ATP2B4: variants seen among roughly 807,000 people sequenced by gnomAD.
ATP2B4 encodes the protein plasma membrane calcium-transporting ATPase 4.
A neutral mutation model predicts 110.3 loss-of-function variants in ATP2B4; 39 were observed. The observed-to-expected ratio is 0.35, with a 90% CI of 0.27 to 0.46. The LOEUF (loss-of-function observed/expected upper bound fraction) is 0.46, where lower values mean the gene tolerates loss of function less well. Ranked by LOEUF, ATP2B4 falls within the 20% of genes least tolerant of loss-of-function variation. ATP2B4 has a pLI of 1.00. For synonymous variants in ATP2B4, 538 were observed against 571.7 expected (o/e 0.94, Z 0.84); for missense variants, 1,135 against 1,530.9 (o/e 0.74, Z 4.32).
rs1318561344 is a variant in ATP2B4 at position 203,707,909 on chromosome 1, G to T, written c.1362G>T (p.Glu454Asp). 1.2e-6 allele frequency: 2 copies of T among 1,614,146 alleles called. No homozygotes were observed. The highest frequency in any genetic ancestry group is 1.7e-5 in the Admixed American group (1 of 60,024). ...TAGTACGGCACTTGGATGCTTGTGAGACCATGGGCAACGCCACCGCCATCT... is the reference window on the plus strand; with the variant it reads ...TAGTACGGCACTTGGATGCTTGTGATACCATGGGCAACGCCACCGCCATCT... The part of the protein sequence containing the change: ...NNLVRHLDAC[E>D]TMGNATAICS... The change falls in exon 10 of 21, where the codon GAG (glutamate) becomes GAT (aspartate). Residue 454 changes from glutamate to aspartate, a missense_variant. Physicochemically the swap from Glu to Asp is conservative, Grantham distance 45. This residue lies in a region of ATP2B4 where 368 missense variants were observed against 455.9 expected (regional missense o/e 0.81). Coordinates refer to ENST00000357681, the MANE Select transcript of ATP2B4 (RefSeq NM_001684.5).
At position 203,653,238 on chromosome 1, in the gene ATP2B4, T is replaced by C. The variant is rs117841688; in HGVS notation, c.-465+26019T>C. On this transcript the variant is annotated intron_variant, in intron 1 of 20. Coordinates refer to ENST00000357681, the MANE Select transcript of ATP2B4 (RefSeq NM_001684.5). ...AATCCAAGGCAAGATCCTAAATCTC[T>C]TCAATGTTGTGAAGGTTGACAGAGG... Among the ~76,000 whole-genome samples, 105 of 152,314 alleles carry C rather than the reference T, an allele frequency of 6.9e-4. 3 individuals are homozygous for C. The East Asian group carries it at 0.017, about 24-fold the overall frequency.
At position 203,645,364 on chromosome 1, in the gene ATP2B4, T is replaced by G. The variant is rs187606616; in HGVS notation, c.-465+18145T>G. ...GACAGAGCATTCCTGTTTACCCAAC[T>G]CACAGACTCTCCCTACTTTCTGAGT... On this transcript the variant is annotated intron_variant, in intron 1 of 20. Coordinates refer to ENST00000357681, the MANE Select transcript of ATP2B4 (RefSeq NM_001684.5). 3.8e-4 allele frequency among the ~76,000 whole-genome samples: 58 copies of G among 152,304 alleles called. 1 individual carries two copies. The highest frequency in any genetic ancestry group is 3.4e-3 in the Middle Eastern group (1 of 294).
intron 1 of ATP2B4, among the ~76,000 whole-genome samples, chr1:203,653,163 G>A (rs1457398127): frequency 6.6e-6 from 1 of 152,226 alleles, no homozygotes; most frequent in Non-Finnish European, 1.5e-5. Context: ...AGTTCAAGTG[G>A]TCTGATTAGA....
rs558094211 is a variant in ATP2B4 at position 203,676,500 on chromosome 1, C to T, written c.-464-6242C>T. On this transcript the variant is annotated intron_variant, in intron 1 of 20. Coordinates refer to ENST00000357681, the MANE Select transcript of ATP2B4 (RefSeq NM_001684.5). ...GGATGTTTTAGGCTAGGCAGCCTAC[C>T]ATGGTCAGGTTCTTGCCAGCTTTCT... Among the ~76,000 whole-genome samples, 190 of 152,324 alleles carry T rather than the reference C, an allele frequency of 1.2e-3. 5 individuals carry two copies. In the South Asian group the frequency reaches 0.038, roughly 30 times the overall value.
chr1:203,688,494 G>T (rs184303545), intron 2 of ATP2B4, among the ~76,000 whole-genome samples: 34 of 151,836 alleles, frequency 2.2e-4, no homozygotes, highest in Non-Finnish European at 4.4e-4. Context: ...TAGAGACAGG[G>T]TCTCTCCATG....
intron 1 of ATP2B4, among the ~76,000 whole-genome samples, chr1:203,668,748 G>A (rs6685155): frequency 0.92 from 139,845 of 152,226 alleles, 64,993 homozygotes; most frequent in Non-Finnish European, 0.99. Context: ...TCCTTCCACT[G>A]TGTGAGCCAC....
At chr1:203,645,426 G>A (rs1022925840) in intron 1 of ATP2B4, among the ~76,000 whole-genome samples, 12 of 152,132 alleles carry the variant, frequency 7.9e-5, no homozygotes, top group African/African-American at 2.9e-4. Flanking sequence ...TTATAGCTTG[G>A]TCCATTATTC....
intron 19 of ATP2B4, 88 bp downstream of exon 19, chr1:203,724,076 C>T (rs1052692362): frequency 1.4e-5 from 15 of 1,058,652 alleles, no homozygotes; most frequent in Non-Finnish European, 2.0e-5. Flanking sequence ...ACGGTGGAGA[C>T]CCCCCAGCTC....
intron 1 of ATP2B4, chr1:203,657,547 T>A: frequency 2.4e-6 from 2 of 835,818 alleles, no homozygotes; most frequent in Non-Finnish European, 4.2e-6. Flanking sequence ...TTTTCATGCA[T>A]CTTGATAGTC....
intron 20 of ATP2B4, among the ~76,000 whole-genome samples, chr1:203,734,701 A>G (rs10047213): frequency 0.56 from 79,054 of 142,164 alleles, 22,234 homozygotes; most frequent in Admixed American, 0.68. Context: ...GTGAGACTCC[A>G]TCTCAAAAAA....
intron 1 of ATP2B4, among the ~76,000 whole-genome samples, chr1:203,675,659 T>C (rs4951358): frequency 0.75 from 113,590 of 151,930 alleles, 43,117 homozygotes; most frequent in Middle Eastern, 0.86. Flanking sequence ...CTACCTTTTT[T>C]GGTGGAATTG....
At chr1:203,653,646 C>G (rs1664064120) in intron 1 of ATP2B4, among the ~76,000 whole-genome samples, 1 of 152,024 alleles carries the variant, frequency 6.6e-6, no homozygotes, top group Admixed American at 6.6e-5. Flanking sequence ...TTTTCCACCC[C>G]TCAAGGTTCA....
intron 2 of ATP2B4, among the ~76,000 whole-genome samples, chr1:203,690,348 A>G (rs2102372395): frequency 6.6e-6 from 1 of 152,350 alleles, no homozygotes; most frequent in Non-Finnish European, 1.5e-5. Context: ...TCCCAAGTAA[A>G]TGTTCACCTA....
chr1:203,687,164 T>A lies in ATP2B4; in HGVS notation c.193+3766T>A, dbSNP rs182034314. On this transcript the variant is annotated intron_variant, in intron 2 of 20. Transcript: ENST00000357681. ...GGGGAGACGGTGTTGGAAAACAACC[T>A]TTCCATTAGTAATTTTTAGTCCCCA... 3.1e-3 allele frequency among the ~76,000 whole-genome samples: 472 copies of A among 151,886 alleles called. 10 individuals are homozygous for A. Among genetic ancestry groups the A allele is most frequent in the Non-Finnish European group, 3.7e-4 (25 of 67,972 alleles).
chr1:203,699,593 G>A lies in ATP2B4; in HGVS notation c.525G>A (p.Lys175=). 4.3e-6 allele frequency: 7 copies of A among 1,614,190 alleles called. No homozygotes were observed. Among genetic ancestry groups the A allele is most frequent in the South Asian group, 2.2e-5 (2 of 91,082 alleles). The part of the protein sequence containing the change: ...VTAFNDWSKE[K]QFRGLQCRIE... ...CCTTTAATGATTGGAGCAAAGAGAA[G>A]CAATTCCGGGGGCTGCAGTGCCGCA... The change falls in exon 4 of 21, where the codon AAG becomes AAA. Residue 175 remains lysine (K), a synonymous_variant. Coordinates refer to ENST00000357681, the MANE Select transcript of ATP2B4 (RefSeq NM_001684.5).
At chr1:203,688,702 G>A (rs1024509558) in intron 2 of ATP2B4, among the ~76,000 whole-genome samples, 1 of 152,122 alleles carries the variant, frequency 6.6e-6, no homozygotes, top group Non-Finnish European at 1.5e-5. Context: ...TTAGACTTAA[G>A]AAGGCTTGGA....
chr1:203,711,230 T>C, intron 12 of ATP2B4, 122 bp downstream of exon 12: 1 of 879,854 alleles, frequency 1.1e-6, no homozygotes, highest in East Asian at 2.6e-5. Context: ...TTTCTGTGCT[T>C]CCTGCTTCAC....
Position 203,699,551 on chromosome 1 carries a change from C to A in ATP2B4, c.483C>A (p.Ile161=). ...EGAAILFSVI[I]VVLVTAFNDW... ...CAGCCATCCTTTTCTCAGTGATCAT[C>A]GTGGTGTTAGTGACTGCCTTTAATG... Residue 161 remains isoleucine (I), a synonymous_variant, in exon 4 of 21, where the codon ATC becomes ATA. Transcript: ENST00000357681. 2 of 1,614,160 alleles carry A rather than the reference C, an allele frequency of 1.2e-6. No homozygotes were observed. The highest frequency in any genetic ancestry group is 1.7e-6 in the Non-Finnish European group (2 of 1,180,026).
intron 6 of ATP2B4, among the ~76,000 whole-genome samples, chr1:203,701,415 T>A (rs564712543): frequency 6.6e-6 from 1 of 152,272 alleles, no homozygotes; most frequent in East Asian, 1.9e-4. Context: ...AGTTCAGTCT[T>A]TGCCACTCAG....
Sources: allele counts gnomAD v4.1 joint callset (sites outside exome capture counted in the v4.1 genomes callset), GRCh38; gene constraint gnomAD v4.1.1; regional missense constraint gnomAD v4.1.1; transcripts MANE v1.5; gene names NCBI Gene and HGNC (gene_info 2026-07-23, HGNC 2026-07-21).